The following LARP1 variants were observed in gnomAD, a reference collection of about 807,000 sequenced individuals.
LARP1 encodes la-related protein 1.
In LARP1, 36 loss-of-function variants were observed where a neutral mutation model predicts 122.7. That is an observed-to-expected ratio of 0.29 (90% confidence interval 0.22 to 0.39). The LOEUF is 0.39. Ranked by LOEUF, LARP1 falls within the 10% of genes least tolerant of loss-of-function variation. The pLI is 1.00. For missense variants in LARP1, 1,040 were observed against 1,403.6 expected, an observed-to-expected ratio of 0.74 and a Z score of 4.14; for synonymous variants, 539 against 528.7, an observed-to-expected ratio of 1.02 and a Z score of -0.27.
chr5:154,760,882 A>G (rs115631735), intron 1 of LARP1, among the ~76,000 whole-genome samples: 3,244 of 152,362 alleles, frequency 0.021, 52 homozygotes, highest in South Asian at 0.039. Context: ...CCAAATGTCC[A>G]AAGACATTTT....
At chr5:154,720,690 C>G (rs1016887429) in intron 1 of LARP1, among the ~76,000 whole-genome samples, 3 of 151,962 alleles carry the variant, frequency 2.0e-5, no homozygotes, top group African/African-American at 7.3e-5. Context: ...CCAGCCTGGG[C>G]AACAGAGAGA....
intron 1 of LARP1, among the ~76,000 whole-genome samples, chr5:154,723,189 C>T (rs759176222): frequency 1.3e-5 from 2 of 152,210 alleles, no homozygotes. Flanking sequence ...GATTTACCAA[C>T]AATGGGTTAA....
Position 154,802,069 on chromosome 5 carries a change from G to C in LARP1, c.1779G>C (p.Gln593His). The C allele has an allele frequency of 6.2e-7, 1 of 1,614,170 alleles. No individual in the cohort carries two copies. Among genetic ancestry groups the C allele is most frequent in the Non-Finnish European group, 8.5e-7 (1 of 1,180,024 alleles). The change falls in exon 11 of 19, where the codon CAG (glutamine) becomes CAC (histidine). Residue 593 changes from glutamine to histidine, a missense_variant. Physicochemically the swap from Gln to His is conservative, Grantham distance 24 (BLOSUM62 0). This residue lies in a region of LARP1 where 362 missense variants were observed against 533.1 expected (regional missense o/e 0.68). Transcript: ENST00000518297. This position sits in a 1 kb window ranked among gnomAD's most constrained non-coding sequence, Gnocchi z 5.1. Reference sequence around the variant, plus strand: ...TGCCTCAGCAGCTGCCTTCCCAGCAGCTGATGTCCAAGGATCAGGATGAGC... The same window carrying C: ...TGCCTCAGCAGCTGCCTTCCCAGCACCTGATGTCCAAGGATCAGGATGAGC... ...TSLPQQLPSQQLMSKDQDEQE... is the reference protein window; with the variant it reads ...TSLPQQLPSQHLMSKDQDEQE...
chr5:154,804,364 C>G, intron 14 of LARP1, 57 bp downstream of exon 14: 1 of 1,273,936 alleles, frequency 7.8e-7, no homozygotes, highest in Non-Finnish European at 1.1e-6. Context: ...GGTGGGCGAG[C>G]CATGAAATTG....
intron 1 of LARP1, among the ~76,000 whole-genome samples, chr5:154,777,680 A>T (rs547641264): frequency 6.6e-6 from 1 of 152,346 alleles, no homozygotes; most frequent in East Asian, 1.9e-4. Context: ...TACATTTAAA[A>T]ATAACAAAGT....
At position 154,790,318 on chromosome 5, in the gene LARP1, C is replaced by A; in HGVS notation, c.437-7C>A. 1 of 1,611,592 alleles carries A rather than the reference C, an allele frequency of 6.2e-7. No individual in the cohort carries two copies. The highest frequency in any genetic ancestry group is 8.5e-7 in the Non-Finnish European group (1 of 1,178,718). On this transcript the variant is annotated splice_polypyrimidine_tract_variant and splice_region_variant and intron_variant, in intron 1 of 18. Transcript: ENST00000518297. Reference sequence around the variant, plus strand: ...GCATTACTAACTCTCCCTTCTTGTTCCCACAGAACACTCTGCTCCAGCCAA... The same window carrying A: ...GCATTACTAACTCTCCCTTCTTGTTACCACAGAACACTCTGCTCCAGCCAA...
chr5:154,746,965 T>A (rs1753225034), intron 1 of LARP1, among the ~76,000 whole-genome samples: 2 of 151,938 alleles, frequency 1.3e-5, no homozygotes, highest in Non-Finnish European at 2.9e-5. Context: ...TGAAACTCCG[T>A]CTCTACTAAA....
chr5:154,793,502 C>T, intron 4 of LARP1, 93 bp from the exon 5 acceptor site: 1 of 1,530,354 alleles, frequency 6.5e-7, no homozygotes, highest in Non-Finnish European at 9.0e-7. Context: ...TGATTTGGGC[C>T]CAAGTCCAGG....
chr5:154,771,123 A>AG (rs1037999900), intron 1 of LARP1, among the ~76,000 whole-genome samples: 13 of 151,880 alleles, frequency 8.6e-5, no homozygotes, highest in African/African-American at 3.1e-4. Context: ...AAAGAAAAAA[A>AG]AAAAAAAAGG....
chr5:154,730,323 CGATTACAGG>C (rs1756479858), intron 1 of LARP1, among the ~76,000 whole-genome samples: 2 of 144,032 alleles, frequency 1.4e-5, no homozygotes, highest in Non-Finnish European at 3.0e-5. Flanking sequence ...CGAGTAGCTG[CGATTACAGG>C]GAAACAGTCT....
intron 2 of LARP1, 128 bp downstream of exon 2, chr5:154,790,514 AG>A: frequency 7.9e-7 from 1 of 1,272,342 alleles, no homozygotes; most frequent in Non-Finnish European, 1.1e-6. Flanking sequence ...AGCCCCTTCT[AG>A]GTATCCAGTG....
chr5:154,709,510 A>G (rs1295556174), upstream of LARP1, among the ~76,000 whole-genome samples: 1 of 150,912 alleles, frequency 6.6e-6, no homozygotes, highest in Non-Finnish European at 1.5e-5. Context: ...ATTTTCTTTT[A>G]AGTGCAGCTT....
intron 1 of LARP1, chr5:154,685,778 C>T (rs1225882950): frequency 4.0e-6 from 2 of 501,088 alleles, no homozygotes; most frequent in Non-Finnish European, 7.9e-6. Flanking sequence ...TGAGATCAGG[C>T]TGGGCAACAT....
chr5:154,790,178 CGTGTCTTTCCCCTCTCTACT>C, intron 1 of LARP1, 127 bp from the exon 2 acceptor site: 1 of 599,186 alleles, frequency 1.7e-6, no homozygotes, highest in Non-Finnish European at 2.9e-6. Flanking sequence ...TGTTTGAGCA[CGTGTCTTTCCCCTCTCTACT>C]GTGTCTTTCT....
chr5:154,748,557 A>G (rs941159522), intron 1 of LARP1, among the ~76,000 whole-genome samples: 1 of 152,212 alleles, frequency 6.6e-6, no homozygotes, highest in African/African-American at 2.4e-5. Context: ...AGAAGTTGAC[A>G]TTTGGTGCTG....
intron 1 of LARP1, chr5:154,718,467 A>C (rs1360667712): frequency 1.3e-5 from 2 of 152,192 alleles, no homozygotes; most frequent in East Asian, 3.9e-4. Context: ...GCATGGGAGC[A>C]CTGGAGTTTT....
chr5:154,726,120 G>A (rs1756200503), intron 1 of LARP1, among the ~76,000 whole-genome samples: 1 of 152,180 alleles, frequency 6.6e-6, no homozygotes, highest in African/African-American at 2.4e-5. Flanking sequence ...GATTACAGGT[G>A]TGAGCCACCG....
intron 1 of LARP1, among the ~76,000 whole-genome samples, chr5:154,749,709 C>A (rs1159805706): frequency 4.6e-5 from 7 of 152,220 alleles, no homozygotes; most frequent in African/African-American, 1.7e-4. Flanking sequence ...GCTAACCCCA[C>A]TCACTTTGTG....
At chr5:154,807,047 A>G (rs1221054271) in intron 15 of LARP1, among the ~76,000 whole-genome samples, 1 of 152,114 alleles carries the variant, frequency 6.6e-6, no homozygotes, top group Non-Finnish European at 1.5e-5. Flanking sequence ...GATTTTGCCT[A>G]TTCTGGACAT....
Sources: allele counts gnomAD v4.1 joint callset (sites outside exome capture counted in the v4.1 genomes callset), GRCh38; gene constraint gnomAD v4.1.1; regional missense constraint gnomAD v4.1.1; non-coding constraint Gnocchi (gnomAD v3.1); transcripts MANE v1.5; gene names NCBI Gene and HGNC (gene_info 2026-07-23, HGNC 2026-07-21).